Variants in PLXDC2 observed in about 807,000 individuals in gnomAD.
PLXDC2 encodes plexin domain-containing protein 2.
A neutral mutation model predicts 68.9 loss-of-function variants in PLXDC2; 40 were observed. The observed-to-expected ratio is 0.58, with a 90% CI of 0.45 to 0.76. PLXDC2 has a LOEUF of 0.76. Ranked by LOEUF, PLXDC2 falls within the 30% of genes least tolerant of loss-of-function variation. The probability of loss-of-function intolerance (pLI) is 0.00; values close to 1 mark genes in which losing one functional copy is unlikely to be tolerated. For synonymous variants in PLXDC2, 243 were observed against 234.2 expected (o/e 1.04, Z -0.34); for missense variants, 644 against 661.9 (o/e 0.97, Z 0.30).
At chr10:20,194,657 T>C (rs2131842254) in intron 9 of PLXDC2, among the ~76,000 whole-genome samples, 1 of 151,958 alleles carries the variant, frequency 6.6e-6, no homozygotes, top group South Asian at 2.1e-4. Flanking sequence ...ATATTATACT[T>C]TAAGTTCTAG....
At chr10:20,068,323 T>C (rs1836252215) in intron 4 of PLXDC2, 84 bp downstream of exon 4, 3 of 1,125,336 alleles carry the variant, frequency 2.7e-6, no homozygotes, top group South Asian at 1.5e-5. Flanking sequence ...TATTTCAAGA[T>C]GGATATTTAT....
chr10:20,050,364 G>T (rs1460539790), intron 3 of PLXDC2, among the ~76,000 whole-genome samples: 2 of 152,040 alleles, frequency 1.3e-5, no homozygotes, highest in East Asian at 3.9e-4. Flanking sequence ...TAACAAATGG[G>T]ATCTAATTAA....
chr10:20,132,637 T>C (rs1833882553), intron 4 of PLXDC2, among the ~76,000 whole-genome samples: 1 of 152,166 alleles, frequency 6.6e-6, no homozygotes, highest in Admixed American at 6.5e-5. Flanking sequence ...TTGTCTGATA[T>C]AGTTACGGCT....
Position 19,927,830 on chromosome 10 carries a change from GC to G in PLXDC2, c.113-73944del, listed in dbSNP as rs145333017. ...TTTATATACATTTTTTATTTCAATA[GC>G]TTTAGGGGTACAAGTGGTTTTTGGT... On this transcript the variant is annotated intron_variant, in intron 1 of 13. Coordinates refer to ENST00000377252, the MANE Select transcript of PLXDC2 (RefSeq NM_032812.9). Among the ~76,000 whole-genome samples, 599 of 149,852 alleles carry G rather than the reference GC, an allele frequency of 4.0e-3. 2 individuals are homozygous for G. Among genetic ancestry groups the G allele is most frequent in the African/African-American group, 0.014 (565 of 40,632 alleles).
At chr10:20,073,314 C>A (rs541644156) in intron 4 of PLXDC2, among the ~76,000 whole-genome samples, 9 of 152,270 alleles carry the variant, frequency 5.9e-5, no homozygotes, top group African/African-American at 1.2e-4. Flanking sequence ...TCCACACAGA[C>A]ACAAATTTAA....
At chr10:19,886,263 A>G (rs1008838135) in intron 1 of PLXDC2, among the ~76,000 whole-genome samples, 6 of 152,160 alleles carry the variant, frequency 3.9e-5, no homozygotes, top group South Asian at 2.1e-4. Flanking sequence ...GGCTGAGACA[A>G]TGGGGTTTTC....
intron 10 of PLXDC2, among the ~76,000 whole-genome samples, chr10:20,216,408 A>AC (rs1336862193): frequency 6.6e-6 from 1 of 152,152 alleles, no homozygotes; most frequent in Non-Finnish European, 1.5e-5. Flanking sequence ...AGGTGCAGGA[A>AC]CTGGAATTTG....
At chr10:20,108,875 T>G (rs923036832) in intron 4 of PLXDC2, among the ~76,000 whole-genome samples, 1 of 152,202 alleles carries the variant, frequency 6.6e-6, no homozygotes, top group African/African-American at 2.4e-5. Context: ...AATGTAGGGT[T>G]TTGCTAAGTG....
At chr10:19,829,591 T>G (rs1170192526) in intron 1 of PLXDC2, among the ~76,000 whole-genome samples, 1 of 151,826 alleles carries the variant, frequency 6.6e-6, no homozygotes, top group Non-Finnish European at 1.5e-5. Flanking sequence ...TAGCCAGACG[T>G]GGTGGCGGGC....
At chr10:20,254,217 AAC>A (rs1232612051) in intron 13 of PLXDC2, among the ~76,000 whole-genome samples, 1 of 152,228 alleles carries the variant, frequency 6.6e-6, no homozygotes, top group Admixed American at 6.5e-5. Flanking sequence ...TGATTAAAGA[AAC>A]ACAGGCAGCT....
At chr10:20,015,161 T>A (rs1214078870) in intron 2 of PLXDC2, among the ~76,000 whole-genome samples, 1 of 152,246 alleles carries the variant, frequency 6.6e-6, no homozygotes, top group Non-Finnish European at 1.5e-5. Flanking sequence ...ATCCTCTCTC[T>A]GCTCAATGGC....
At chr10:20,022,344 A>C (rs547195664) in intron 2 of PLXDC2, among the ~76,000 whole-genome samples, 2 of 152,286 alleles carry the variant, frequency 1.3e-5, no homozygotes, top group South Asian at 4.1e-4. Context: ...TAAACAAATA[A>C]ATCCATGATT....
At chr10:19,963,844 A>G (rs932109862) in intron 1 of PLXDC2, among the ~76,000 whole-genome samples, 4 of 152,094 alleles carry the variant, frequency 2.6e-5, no homozygotes, top group Non-Finnish European at 4.4e-5. Flanking sequence ...AATAAAAAAA[A>G]AAACAAAAAA....
intron 1 of PLXDC2, among the ~76,000 whole-genome samples, chr10:19,818,568 C>T (rs898372614): frequency 6.6e-6 from 1 of 152,122 alleles, no homozygotes; most frequent in East Asian, 1.9e-4. Context: ...AGGATGACAA[C>T]ACTTTTAAAG....
At chr10:20,140,405 A>ATATCTATCTATCTATCTATC (rs71390760) in intron 4 of PLXDC2, among the ~76,000 whole-genome samples, 5 of 12,534 alleles carry the variant, frequency 4.0e-4, no homozygotes, top group African/African-American at 7.4e-4. Flanking sequence ...TATATATAAA[A>ATATCTATCTATCTATCTATC]TATCTATCTA....
chr10:20,076,974 A>G (rs1313768122), intron 4 of PLXDC2, among the ~76,000 whole-genome samples: 4 of 152,184 alleles, frequency 2.6e-5, no homozygotes, highest in Non-Finnish European at 5.9e-5. Flanking sequence ...TTGTGACAGC[A>G]TGGTTTATAA....
Position 20,180,175 on chromosome 10 carries a change from AGAGAGTTGGT to A in PLXDC2, c.1061+2770_1061+2779del, listed in dbSNP as rs1342603101. ...AGTTTCTTTAAGATTACTGGGGAAA[AGAGAGTTGGT>A]GAGGCATATGAATGAGAAAGAAATT... On this transcript the variant is annotated intron_variant, in intron 9 of 13. Transcript: ENST00000377252. Among the ~76,000 whole-genome samples, 3 of 152,028 alleles carry A rather than the reference AGAGAGTTGGT, an allele frequency of 2.0e-5. No individual in the cohort carries two copies. In the East Asian group the frequency reaches 5.8e-4, roughly 30 times the overall value.
chr10:20,120,917 C>G (rs1833688574), intron 4 of PLXDC2, among the ~76,000 whole-genome samples: 1 of 152,026 alleles, frequency 6.6e-6, no homozygotes, highest in African/African-American at 2.4e-5. Flanking sequence ...GAACCGCCAT[C>G]AATAAATCAA....
At chr10:20,023,273 C>T (rs140156602) in intron 2 of PLXDC2, among the ~76,000 whole-genome samples, 341 of 151,934 alleles carry the variant, frequency 2.2e-3, no homozygotes, top group African/African-American at 6.1e-3. Context: ...CTCATTTATT[C>T]ACATTTTACT....
Sources: allele counts gnomAD v4.1 joint callset (sites outside exome capture counted in the v4.1 genomes callset), GRCh38; gene constraint gnomAD v4.1.1; transcripts MANE v1.5; gene names NCBI Gene and HGNC (gene_info 2026-07-23, HGNC 2026-07-21).